The following DNA2 variants were observed in gnomAD, a reference collection of about 807,000 sequenced individuals.
DNA2 encodes DNA replication ATP-dependent helicase/nuclease DNA2.
Under a neutral mutation model 119.1 loss-of-function variants are expected in DNA2, and 101 were observed. That is an observed-to-expected ratio of 0.85 (90% CI 0.72 to 1.00). The LOEUF is 1.00. Ranked by LOEUF, DNA2 falls within the 50% of genes least tolerant of loss-of-function variation. The pLI is 0.00. For synonymous variants in DNA2, 366 were observed against 424.4 expected (o/e 0.86, Z 1.69); for missense variants, 1,121 against 1,255.5 (o/e 0.89, Z 1.62).
chr10:68,446,340 G>T lies in DNA2; in HGVS notation c.1013C>A (p.Thr338Asn). 6.3e-7 allele frequency: 1 copy of T among 1,597,932 alleles called. No homozygotes were observed. Among genetic ancestry groups the T allele is most frequent in the Non-Finnish European group, 8.5e-7 (1 of 1,172,182 alleles). ...PEAGLLLYLK[T>N]GQMYPVPANH... ...GGCAGGCACAGGGTACATCTGACCA[G>T]TCTTGAGGTAGAGAAGCAAGCCAGC... Residue 338 changes from threonine to asparagine, a missense_variant, in exon 7 of 21, where the codon ACT (threonine) becomes AAT (asparagine). Transcript: ENST00000358410.
chr10:68,471,961 AC>A lies in DNA2; in HGVS notation c.-98del, dbSNP rs773749386. Reference sequence around the variant, plus strand: ...AAGGGAAAAAGGCGCGAGCCTGCGCACCTCGCGCGCATGCGCCAACCCGCAG... The same window carrying A: ...AAGGGAAAAAGGCGCGAGCCTGCGCACTCGCGCGCATGCGCCAACCCGCAG... On this transcript the variant is annotated 5_prime_UTR_variant, in exon 1 of 21. Coordinates refer to ENST00000358410, the MANE Select transcript of DNA2 (RefSeq NM_001080449.3). 8 of 1,612,502 alleles carry A rather than the reference AC, an allele frequency of 5.0e-6. No homozygotes were observed. The South Asian group carries it at 8.8e-5, about 18-fold the overall frequency.
In DNA2 at chr10:68,419,219, T is replaced by C; in HGVS notation, c.2788-6A>G. 6.5e-7 allele frequency: 1 copy of C among 1,533,648 alleles called. No homozygotes were observed. The highest frequency in any genetic ancestry group is 1.4e-5 in the African/African-American group (1 of 71,158). The stretch of plus-strand genomic sequence containing the variant: ...TCAGAGGGACTGCATCCAGCCTAAA[T>C]AGAAAAAGACACAATTTAAAAGAAA... On this transcript the variant is annotated splice_region_variant and splice_polypyrimidine_tract_variant and intron_variant, in intron 18 of 20. Coordinates refer to ENST00000358410, the MANE Select transcript of DNA2 (RefSeq NM_001080449.3).
intron 14 of DNA2, chr10:68,424,587 G>A: frequency 9.0e-7 from 1 of 1,114,344 alleles, no homozygotes; most frequent in Non-Finnish European, 1.4e-6. Flanking sequence ...CGTGAACTTG[G>A]ACCGCAGCAA....
At chr10:68,437,925 T>C (rs1263743077) in intron 9 of DNA2, among the ~76,000 whole-genome samples, 1 of 152,086 alleles carries the variant, frequency 6.6e-6, no homozygotes, top group Non-Finnish European at 1.5e-5. Context: ...TTGGCCAGGC[T>C]GGATTCGGAC....
intron 9 of DNA2, among the ~76,000 whole-genome samples, chr10:68,440,863 T>C (rs2051958364): frequency 6.6e-6 from 1 of 152,134 alleles, no homozygotes; most frequent in African/African-American, 2.4e-5. Context: ...AATGAAATTT[T>C]ACATAAAGAA....
At chr10:68,468,438 CT>C in intron 2 of DNA2, 132 bp from the exon 3 acceptor site, 11 of 594,450 alleles carry the variant, frequency 1.9e-5, no homozygotes, top group East Asian at 3.3e-5. Flanking sequence ...ATTTCTGGGT[CT>C]TTAAAAAAAA....
In DNA2 at chr10:68,470,078, T is replaced by G; in HGVS notation, c.160A>C (p.Thr54Pro). Reference sequence around the variant, plus strand: ...CAGTTTCCCTCTTTGTTCTGTACAGTATTGACTGCCAACACCAGGTACCGG... The same window carrying G: ...CAGTTTCCCTCTTTGTTCTGTACAGGATTGACTGCCAACACCAGGTACCGG... ...DNRYLVLAVN[T>P]VQNKEGNCEK... Residue 54 changes from threonine (T) to proline (P), a missense_variant, in exon 2 of 21, where the codon ACT (threonine) becomes CCT (proline). Physicochemically the swap from Thr to Pro is conservative, Grantham distance 38 (BLOSUM62 -1). Transcript: ENST00000358410. 6.2e-7 allele frequency: 1 copy of G among 1,613,870 alleles called. No individual in the cohort carries two copies.
Position 68,471,772 on chromosome 10 carries a change from C to A in DNA2, c.74+19G>T. 6.3e-7 allele frequency: 1 copy of A among 1,583,030 alleles called. No individual in the cohort carries two copies. Among genetic ancestry groups the A allele is most frequent in the South Asian group, 1.2e-5 (1 of 86,110 alleles). ...AAATCTCCCGCTTTGTTCCCACACC[C>A]TCCCCCCTCTCCGCTCACAGCTCCG... On this transcript the variant is annotated intron_variant, in intron 1 of 20. Coordinates refer to ENST00000358410, the MANE Select transcript of DNA2 (RefSeq NM_001080449.3).
chr10:68,423,756 C>G (rs532333552), intron 14 of DNA2, among the ~76,000 whole-genome samples: 1 of 152,296 alleles, frequency 6.6e-6, no homozygotes, highest in African/African-American at 2.4e-5. Flanking sequence ...GAGACCACAT[C>G]AGAAGCCTAG....
chr10:68,419,333 T>C (rs1443937085), intron 18 of DNA2, 120 bp from the exon 19 acceptor site: 1 of 735,044 alleles, frequency 1.4e-6, no homozygotes, highest in East Asian at 3.0e-5. Flanking sequence ...AACTTTCCTA[T>C]CTCAAAGACT....
intron 5 of DNA2, among the ~76,000 whole-genome samples, chr10:68,453,464 T>C (rs957212579): frequency 1.3e-5 from 2 of 151,936 alleles, no homozygotes; most frequent in African/African-American, 4.8e-5. Flanking sequence ...GTTTCCCTTA[T>C]GGCATAATGC....
chr10:68,448,409 T>C (rs1036888644), intron 6 of DNA2, among the ~76,000 whole-genome samples: 1 of 152,198 alleles, frequency 6.6e-6, no homozygotes, highest in Non-Finnish European at 1.5e-5. Context: ...AAAAAAACTT[T>C]CTTAAACCTT....
Position 68,445,061 on chromosome 10 carries a change from C to T in DNA2, c.1080G>A (p.Gln360=), listed in dbSNP as rs1288184562. ...TACGGTGAAACAATGAGAATGCCAT[C>T]TGGTTTCTTAGCTTTAATAATTCTA... ...DKRELLKLRN[Q]MAFSLFHRIS... is the part of the protein sequence containing the mutation. Residue 360 remains glutamine, a synonymous_variant, in exon 8 of 21, where the codon CAG becomes CAA. Transcript: ENST00000358410. 3 of 1,605,092 alleles carry T rather than the reference C, an allele frequency of 1.9e-6. No individual in the cohort carries two copies. The highest frequency in any genetic ancestry group is 1.1e-5 in the South Asian group (1 of 89,042).
At chr10:68,418,411 C>CA (rs754294447) in intron 19 of DNA2, among the ~76,000 whole-genome samples, 183 of 54,190 alleles carry the variant, frequency 3.4e-3, no homozygotes, top group Admixed American at 4.0e-3. Context: ...AACGCCGTCT[C>CA]AAAAAAAAAA....
chr10:68,446,140 AAC>A (rs2052035986), intron 7 of DNA2, among the ~76,000 whole-genome samples, 154 bp downstream of exon 7: 1 of 151,246 alleles, frequency 6.6e-6, no homozygotes, highest in African/African-American at 2.4e-5. Flanking sequence ...CGAAAACAAA[AAC>A]ACACACATAA....
chr10:68,449,368 T>C (rs183809072), intron 6 of DNA2, among the ~76,000 whole-genome samples: 38 of 152,306 alleles, frequency 2.5e-4, no homozygotes, highest in Admixed American at 2.0e-3. Flanking sequence ...GGAAACATTT[T>C]TTCTTCCACT....
At position 68,430,938 on chromosome 10, in the gene DNA2, T is replaced by G. The variant is rs10998159; in HGVS notation, c.1984-278A>C. On this transcript the variant is annotated intron_variant, in intron 13 of 20. Transcript: ENST00000358410. Reference sequence around the variant, plus strand: ...CACTTGAACCCAGAAATTCAAGACTTGCCTGGGCAACAAAGTGAGATGCCA... The same window carrying G: ...CACTTGAACCCAGAAATTCAAGACTGGCCTGGGCAACAAAGTGAGATGCCA... Among the ~76,000 whole-genome samples, 47,125 of 151,904 alleles carry G rather than the reference T, an allele frequency of 0.31. 8,900 individuals are homozygous for G. Among genetic ancestry groups the G allele is most frequent in the African/African-American group, 0.52 (21,678 of 41,392 alleles).
chr10:68,424,726 A>G (rs1016258013), intron 14 of DNA2: 2 of 1,576,990 alleles, frequency 1.3e-6, no homozygotes, highest in South Asian at 1.1e-5. Flanking sequence ...GACGAGGTCC[A>G]GGTAGTTCAA....
intron 10 of DNA2, among the ~76,000 whole-genome samples, chr10:68,434,242 T>G (rs1334086159): frequency 1.3e-5 from 2 of 151,374 alleles, no homozygotes; most frequent in African/African-American, 4.9e-5. Context: ...GCTACTGCAC[T>G]CCAGCCTGGG....
Sources: allele counts gnomAD v4.1 joint callset (sites outside exome capture counted in the v4.1 genomes callset), GRCh38; gene constraint gnomAD v4.1.1; transcripts MANE v1.5; gene names NCBI Gene and HGNC (gene_info 2026-07-23, HGNC 2026-07-21).